Variants in PIAS4 observed in about 807,000 individuals in gnomAD.
PIAS4 encodes E3 SUMO-protein ligase PIAS4.
PIAS4 carries 7 observed loss-of-function variants against 58.0 expected under a neutral mutation model. The observed-to-expected ratio is 0.12, with a 90% CI of 0.07 to 0.23. The LOEUF (loss-of-function observed/expected upper bound fraction) is 0.23. Ranked by LOEUF, PIAS4 falls within the 10% of genes least tolerant of loss-of-function variation. The probability of loss-of-function intolerance (pLI) is 1.00; values close to 1 mark genes in which losing one functional copy is unlikely to be tolerated. For synonymous variants in PIAS4, 364 were observed against 312.4 expected (o/e 1.17, Z -1.74); for missense variants, 550 against 709.5 (o/e 0.78, Z 2.55).
rs375454896 is a variant in PIAS4, at chr19:4,036,772, TCACACACA to T, written c.1143-593_1143-586del. 3.0e-4 allele frequency among the ~76,000 whole-genome samples: 37 copies of T among 123,634 alleles called. 1 individual carries two copies. The highest frequency in any genetic ancestry group is 1.3e-3 in the African/African-American group (37 of 28,600). 81.1% of individuals were successfully genotyped at this position (123,634 alleles called of 152,430 possible). A position where few individuals can be genotyped will look rare whatever the true frequency, so the allele number is the denominator to read the frequency against. ...ACACACATCTATATGGTCTACACCG[TCACACACA>T]CACACACATCTATACAGTCCACACC... On this transcript the variant is annotated intron_variant, in intron 9 of 10. Transcript: ENST00000262971.
chr19:4,025,851 A>G (rs1321705892), intron 3 of PIAS4, among the ~76,000 whole-genome samples: 1 of 152,056 alleles, frequency 6.6e-6, no homozygotes, highest in Non-Finnish European at 1.5e-5. Flanking sequence ...AGGCAGGTGG[A>G]TCACGAGGTC....
chr19:4,024,736 C>G (rs1274700231), intron 3 of PIAS4, among the ~76,000 whole-genome samples: 1 of 149,748 alleles, frequency 6.7e-6, no homozygotes, highest in Non-Finnish European at 1.5e-5. Flanking sequence ...CCAGCATGAG[C>G]AGGAAGTTAA....
chr19:4,018,539 C>G (rs2040075351), intron 2 of PIAS4: 2 of 152,218 alleles, frequency 1.3e-5, no homozygotes, highest in Admixed American at 6.5e-5. Flanking sequence ...CTGGCAGGGC[C>G]CCCGTGGTCA....
rs927367937 is a variant in PIAS4, at chr19:4,033,728, G to A, written c.1142+148G>A. The A allele has an allele frequency of 3.0e-5, 20 of 676,968 alleles. No homozygotes were observed. The African/African-American group carries it at 3.1e-4, about 10-fold the overall frequency. 41.9% of individuals were successfully genotyped at this position (676,968 alleles called of 1,614,324 possible). A position where few individuals can be genotyped will look rare whatever the true frequency, so the allele number is the denominator to read the frequency against. On this transcript the variant is annotated intron_variant, in intron 9 of 10. Transcript: ENST00000262971. ...TGGAGCTTTGGAAACCCCGGGCTGC[G>A]AAAAGAGCCGGTTTCTTTCTCGCGG...
At chr19:4,022,071 GTTTTAA>G (rs2040115434) in intron 2 of PIAS4, among the ~76,000 whole-genome samples, 1 of 152,036 alleles carries the variant, frequency 6.6e-6, no homozygotes, top group African/African-American at 2.4e-5. Flanking sequence ...TTCAGAAAAG[GTTTTAA>G]TTATGGATCC....
intron 1 of PIAS4, among the ~76,000 whole-genome samples, chr19:4,011,107 C>T (rs1053507014): frequency 1.2e-4 from 19 of 152,238 alleles, no homozygotes; most frequent in African/African-American, 4.1e-4. Context: ...CCTCCTGGCA[C>T]GGAGGCTGCA....
chr19:4,021,128 G>A (rs550623398), intron 2 of PIAS4, among the ~76,000 whole-genome samples: 2 of 152,256 alleles, frequency 1.3e-5, no homozygotes, highest in South Asian at 4.1e-4. Context: ...TAGTGGGTGT[G>A]TAGAGAGGTA....
rs376431812 is a variant in PIAS4, at chr19:4,013,289, C to T, written c.394C>T (p.Arg132Cys). 1.9e-5 allele frequency: 30 copies of T among 1,613,216 alleles called. No homozygotes were observed. In the African/African-American group the frequency reaches 1.9e-4, roughly 10 times the overall value. The change falls in exon 2 of 11, where the codon CGC becomes TGC. Residue 132 changes from arginine to cysteine, a missense_variant. Coordinates refer to ENST00000262971, the MANE Select transcript of PIAS4 (RefSeq NM_015897.4). The surrounding 1 kb of genome is among the most constrained non-coding windows in gnomAD (Gnocchi z 5.1). The part of the protein sequence containing the change: ...LPAKTLKPEV[R>C]LVKLPFFNML... ...CGCCAAGACCCTCAAGCCAGAAGTC[C>T]GCCTGGTGAAGCTGCCGTTCTTTAA...
rs143430303 is a variant in PIAS4, at chr19:4,019,995, C to T, written c.455-4041C>T. Among the ~76,000 whole-genome samples the T allele has an allele frequency of 4.9e-4, 75 of 152,018 alleles. No individual in the cohort carries two copies. In the East Asian group the frequency reaches 0.012, roughly 25 times the overall value. ...GCAGCGGCAGGATCTCAGCTCACTG[C>T]AAGCTCCGCCTCCCAGGTTCACGCC... On this transcript the variant is annotated intron_variant, in intron 2 of 10. Transcript: ENST00000262971.
rs755908472 is a variant in PIAS4 at position 4,028,800 on chromosome 19, G to A, written c.753G>A (p.Leu251=). 3 of 1,613,452 alleles carry A rather than the reference G, an allele frequency of 1.9e-6. No homozygotes were observed. In the African/African-American group the frequency reaches 4.0e-5, roughly 22 times the overall value. The change falls in exon 6 of 11, where the codon CTG becomes CTA. Residue 251 remains leucine, a synonymous_variant. Transcript: ENST00000262971. ...RPINLTHLMY[L]SSATNRITVT... is the part of the protein sequence containing the mutation. The stretch of plus-strand genomic sequence containing the variant: ...TCAACCTCACCCACCTCATGTACCT[G>A]TCCTCGGCCACCAACCGCATCACTG...
intron 1 of PIAS4, 122 bp downstream of exon 1, chr19:4,007,909 T>A (rs1277512218): frequency 1.2e-5 from 8 of 691,952 alleles, no homozygotes; most frequent in African/African-American, 1.9e-5. Flanking sequence ...CGGCTCGCCG[T>A]CCCGGCCCCC....
chr19:4,037,452 C>G lies in PIAS4; in HGVS notation c.1221C>G (p.Ile407Met). 1 of 1,611,768 alleles carries G rather than the reference C, an allele frequency of 6.2e-7. No individual in the cohort carries two copies. Among genetic ancestry groups the G allele is most frequent in the Non-Finnish European group, 8.5e-7 (1 of 1,179,540 alleles). ...EYLVDGSWCP[I>M]RAEKERSCSP... is the part of the protein sequence containing the mutation. ...TGGTGGACGGCTCGTGGTGCCCGAT[C>G]CGCGCCGAAAAGGAGCGCAGCTGCA... The change falls in exon 10 of 11, where the codon ATC becomes ATG. Residue 407 changes from isoleucine to methionine, a missense_variant. Ile to Met is a conservative substitution (Grantham distance 10, BLOSUM62 1). Transcript: ENST00000262971. This position sits in a 1 kb window ranked among gnomAD's most constrained non-coding sequence, Gnocchi z 5.8.
chr19:4,007,874 G>C, intron 1 of PIAS4, 87 bp downstream of exon 1: 2 of 1,062,886 alleles, frequency 1.9e-6, no homozygotes, highest in Middle Eastern at 3.7e-4. Context: ...CCTTCTGTCC[G>C]GGGCCCCACA....
At chr19:4,034,678 C>G (rs2144941429) in intron 9 of PIAS4, among the ~76,000 whole-genome samples, 1 of 152,372 alleles carries the variant, frequency 6.6e-6, no homozygotes, top group South Asian at 2.1e-4. Flanking sequence ...CCTTCCCCCA[C>G]AGGCCCGGAG....
At chr19:4,026,375 C>T (rs559850761) in intron 3 of PIAS4, among the ~76,000 whole-genome samples, 2 of 150,938 alleles carry the variant, frequency 1.3e-5, no homozygotes, top group East Asian at 3.9e-4. Context: ...TCGTGATCCA[C>T]CCCACATCTG....
intron 9 of PIAS4, among the ~76,000 whole-genome samples, chr19:4,034,564 G>A (rs2040256616): frequency 6.6e-6 from 1 of 152,214 alleles, no homozygotes; most frequent in Admixed American, 6.5e-5. Context: ...CCACCCCCTT[G>A]CATCCCAGCT....
At position 4,037,185 on chromosome 19, in the gene PIAS4, A is replaced by C. The variant is rs928485007; in HGVS notation, c.1143-189A>C. Among the ~76,000 whole-genome samples the C allele has an allele frequency of 6.6e-6, 1 of 152,188 alleles. No individual in the cohort carries two copies. The highest frequency in any genetic ancestry group is 2.4e-5 in the African/African-American group (1 of 41,454). On this transcript the variant is annotated intron_variant, in intron 9 of 10. Coordinates refer to ENST00000262971, the MANE Select transcript of PIAS4 (RefSeq NM_015897.4). This position sits in a 1 kb window ranked among gnomAD's most constrained non-coding sequence, Gnocchi z 5.8. ...TGCACTGCAGACCTGCCTGGGGCTC[A>C]GCACCTGCAGGGGCCTGAGGGCGGG...
intron 2 of PIAS4, among the ~76,000 whole-genome samples, chr19:4,021,742 C>CTT (rs776416490): frequency 2.0e-3 from 204 of 104,036 alleles, no homozygotes; most frequent in Middle Eastern, 0.013. Context: ...TTTTCTTTTT[C>CTT]TTTTTTTTTT....
chr19:4,024,063 A>T lies in PIAS4; in HGVS notation c.482A>T (p.Glu161Val), dbSNP rs2040138062. 1 of 1,613,876 alleles carries T rather than the reference A, an allele frequency of 6.2e-7. No individual in the cohort carries two copies. The highest frequency in any genetic ancestry group is 1.3e-5 in the African/African-American group (1 of 74,936). The change falls in exon 3 of 11, where the codon GAG becomes GTG. Residue 161 changes from glutamate (E) to valine (V), a missense_variant. Glu to Val is a moderately radical substitution (Grantham distance 121). Around this residue, in one of 4 missense-constraint regions of PIAS4, gnomAD observed 225 missense variants for 345.8 expected, o/e 0.65. Coordinates refer to ENST00000262971, the MANE Select transcript of PIAS4 (RefSeq NM_015897.4). ...LVPQNNEKLQESPCIFALTPR... is the reference protein window; with the variant it reads ...LVPQNNEKLQVSPCIFALTPR... ...CCACAGAACAACGAGAAGCTTCAGG[A>T]GAGCCCGTGCATCTTCGCATTGACG... is the stretch of plus-strand genomic sequence containing the variant.
Sources: allele counts gnomAD v4.1 joint callset (sites outside exome capture counted in the v4.1 genomes callset), GRCh38; gene constraint gnomAD v4.1.1; regional missense constraint gnomAD v4.1.1; non-coding constraint Gnocchi (gnomAD v3.1); transcripts MANE v1.5; gene names NCBI Gene and HGNC (gene_info 2026-07-23, HGNC 2026-07-21).